COG5: variants seen among roughly 807,000 people sequenced by gnomAD.
COG5 encodes conserved oligomeric Golgi complex subunit 5.
COG5 carries 86 observed loss-of-function variants against 110.4 expected under a neutral mutation model. That is an observed-to-expected ratio of 0.78 (90% CI 0.65 to 0.93). The LOEUF (loss-of-function observed/expected upper bound fraction) is 0.93. Ranked by LOEUF, COG5 falls within the 40% of genes least tolerant of loss-of-function variation. The pLI is 0.00. For synonymous variants in COG5, 360 were observed against 334.6 expected (o/e 1.08, Z -0.83); for missense variants, 1,077 against 987.0 (o/e 1.09, Z -1.22).
Position 107,368,217 on chromosome 7 carries a change from T to C in COG5, c.835+4378A>G, listed in dbSNP as rs890872239. Among the ~76,000 whole-genome samples the C allele has an allele frequency of 7.2e-5, 11 of 152,132 alleles. 1 individual carries two copies. Among genetic ancestry groups the C allele is most frequent in the Admixed American group, 7.2e-4 (11 of 15,262 alleles). Reference sequence around the variant, plus strand: ...GGTATCAATTAGGATCTAGTATTTCTTATGAAGAAGCATTAATTGGAAATT... The same window carrying C: ...GGTATCAATTAGGATCTAGTATTTCCTATGAAGAAGCATTAATTGGAAATT... On this transcript the variant is annotated intron_variant, in intron 8 of 21. Coordinates refer to ENST00000297135, the MANE Select transcript of COG5 (RefSeq NM_006348.5).
At chr7:107,310,670 A>G (rs1443843387) in intron 11 of COG5, among the ~76,000 whole-genome samples, 2 of 152,188 alleles carry the variant, frequency 1.3e-5, no homozygotes, top group African/African-American at 4.8e-5. Context: ...CGAAGACAAA[A>G]AACAAAAATG....
Position 107,308,876 on chromosome 7 carries a change from T to C in COG5, c.1109-10530A>G, listed in dbSNP as rs1029412020. ...TAGATGGTCTATTCAAAGTGTTTTC[T>C]GAGCCCTTTCAATACAACCCCAGTA... On this transcript the variant is annotated intron_variant, in intron 11 of 21. Coordinates refer to ENST00000297135, the MANE Select transcript of COG5 (RefSeq NM_006348.5). 1.6e-4 allele frequency among the ~76,000 whole-genome samples: 23 copies of C among 147,894 alleles called. No homozygotes were observed. In the Admixed American group the frequency reaches 1.7e-3, roughly 11 times the overall value.
intron 6 of COG5, among the ~76,000 whole-genome samples, chr7:107,497,447 T>C (rs1276930080): frequency 6.6e-6 from 1 of 152,172 alleles, no homozygotes; most frequent in Non-Finnish European, 1.5e-5. Flanking sequence ...TTCAGTAAAG[T>C]TGCAGAATAC....
intron 5 of COG5, among the ~76,000 whole-genome samples, chr7:107,529,493 G>A (rs916798854): frequency 2.6e-5 from 4 of 152,094 alleles, no homozygotes; most frequent in African/African-American, 4.8e-5. Flanking sequence ...ATGACCTTCC[G>A]GGGGCACTCC....
chr7:107,548,417 CAT>C, intron 3 of COG5, 85 bp from the exon 4 acceptor site: 2 of 1,267,800 alleles, frequency 1.6e-6, no homozygotes, highest in Non-Finnish European at 2.3e-6. Flanking sequence ...AAAATACATG[CAT>C]ATATAATTTT....
At position 107,211,157 on chromosome 7, in the gene COG5, C is replaced by A; in HGVS notation, c.2237G>T (p.Ser746Ile). The A allele has an allele frequency of 1.2e-6, 2 of 1,614,038 alleles. No individual in the cohort carries two copies. The highest frequency in any genetic ancestry group is 1.7e-6 in the Non-Finnish European group (2 of 1,179,940). ...SPALGDVIPF[S>I]IIIQFLFTRA... ...CGTGAACAAAAACTGAATAATGATG[C>A]TGAACGGAATCACATCCCCCAATGC... Residue 746 changes from serine to isoleucine, a missense_variant, in exon 20 of 22, where the codon AGC becomes ATC. Transcript: ENST00000297135.
intron 6 of COG5, among the ~76,000 whole-genome samples, chr7:107,427,589 C>T (rs960332835): frequency 6.6e-6 from 1 of 151,880 alleles, no homozygotes; most frequent in Non-Finnish European, 1.5e-5. Flanking sequence ...GGATTTTTCT[C>T]GGTGACTTTT....
intron 6 of COG5, among the ~76,000 whole-genome samples, chr7:107,524,123 A>G (rs763004281): frequency 6.6e-6 from 1 of 152,212 alleles, no homozygotes; most frequent in Non-Finnish European, 1.5e-5. Context: ...ATTAATACAC[A>G]CAACACTGAC....
intron 6 of COG5, among the ~76,000 whole-genome samples, chr7:107,476,183 T>TAAAAAAAAAAAAAA (rs1563056700): frequency 2.4e-3 from 208 of 86,104 alleles, no homozygotes; most frequent in Middle Eastern, 6.3e-3. Flanking sequence ...TGCAATGATT[T>TAAAAAAAAAAAAAA]TAAAAAAAAA....
intron 6 of COG5, among the ~76,000 whole-genome samples, chr7:107,505,772 C>T (rs907367911): frequency 2.6e-5 from 4 of 152,160 alleles, no homozygotes; most frequent in Non-Finnish European, 4.4e-5. Context: ...CATGGGTGGT[C>T]CCTTGATGTG....
intron 6 of COG5, among the ~76,000 whole-genome samples, chr7:107,485,052 C>A (rs902929682): frequency 1.3e-5 from 2 of 152,170 alleles, no homozygotes; most frequent in African/African-American, 4.8e-5. Context: ...AGAAATGGAG[C>A]ATGGACTGAT....
chr7:107,402,978 A>G (rs1791550059), intron 7 of COG5, among the ~76,000 whole-genome samples: 1 of 152,242 alleles, frequency 6.6e-6, no homozygotes, highest in African/African-American at 2.4e-5. Flanking sequence ...CTAAACAGTC[A>G]TTTAGTTTAT....
intron 7 of COG5, among the ~76,000 whole-genome samples, chr7:107,387,735 TG>T (rs1790314010): frequency 6.6e-6 from 1 of 152,240 alleles, no homozygotes; most frequent in African/African-American, 2.4e-5. Flanking sequence ...TCACTCGATC[TG>T]GGTTTACTAG....
intron 6 of COG5, among the ~76,000 whole-genome samples, chr7:107,428,766 A>T (rs1793818673): frequency 6.6e-6 from 1 of 152,204 alleles, no homozygotes. Flanking sequence ...TTAACTGAGA[A>T]TTGAAGTCAG....
At chr7:107,301,718 A>C (rs1289008932) in intron 11 of COG5, among the ~76,000 whole-genome samples, 3 of 152,070 alleles carry the variant, frequency 2.0e-5, no homozygotes, top group Non-Finnish European at 2.9e-5. Context: ...AAAATACAAA[A>C]ATTAGCCAGG....
intron 10 of COG5, among the ~76,000 whole-genome samples, chr7:107,352,217 C>A (rs1812213061): frequency 6.9e-6 from 1 of 145,102 alleles, no homozygotes; most frequent in Non-Finnish European, 1.5e-5. Flanking sequence ...GGACAAAAAA[C>A]CAAACACCGC....
intron 19 of COG5, among the ~76,000 whole-genome samples, chr7:107,222,193 A>G (rs1050462976): frequency 1.4e-5 from 2 of 147,694 alleles, no homozygotes; most frequent in Non-Finnish European, 3.0e-5. Flanking sequence ...CTGGGTAATC[A>G]CCTGTCCCCC....
At chr7:107,316,239 G>A (rs957954079) in intron 11 of COG5, among the ~76,000 whole-genome samples, 2 of 151,904 alleles carry the variant, frequency 1.3e-5, no homozygotes, top group Non-Finnish European at 2.9e-5. Context: ...TTATAGCTGA[G>A]GAAAAGAAAT....
rs550451445 is a variant in COG5, at chr7:107,294,618, T to C, written c.1313+3524A>G. ...CTGATCTCACATTTCCTTTCCTCTC[T>C]GATCCAATCTTAAACACTTCCCTTC... On this transcript the variant is annotated intron_variant, in intron 12 of 21. Coordinates refer to ENST00000297135, the MANE Select transcript of COG5 (RefSeq NM_006348.5). Among the ~76,000 whole-genome samples, 5 of 152,146 alleles carry C rather than the reference T, an allele frequency of 3.3e-5. 1 individual carries two copies. In the East Asian group the frequency reaches 7.7e-4, roughly 24 times the overall value.
Sources: allele counts gnomAD v4.1 joint callset (sites outside exome capture counted in the v4.1 genomes callset), GRCh38; gene constraint gnomAD v4.1.1; transcripts MANE v1.5; gene names NCBI Gene and HGNC (gene_info 2026-07-23, HGNC 2026-07-21).